Variants in LGR6 observed in about 807,000 individuals in gnomAD.
The protein encoded by LGR6 is leucine-rich repeat-containing G protein-coupled receptor 6.
Under a neutral mutation model 69.4 loss-of-function variants are expected in LGR6, and 45 were observed. The ratio of observed to expected loss-of-function variants is 0.65; its 90% CI spans 0.51 to 0.83. The LOEUF (loss-of-function observed/expected upper bound fraction) is 0.83. LGR6 is among the 40% of genes least tolerant of loss of function. LGR6 has a pLI of 0.00. For synonymous variants in LGR6, 538 were observed against 555.0 expected (o/e 0.97, Z 0.43); for missense variants, 1,108 against 1,246.7 (o/e 0.89, Z 1.68).
At chr1:202,238,009 A>G (rs961764528) in intron 4 of LGR6, among the ~76,000 whole-genome samples, 5 of 151,234 alleles carry the variant, frequency 3.3e-5, no homozygotes, top group African/African-American at 1.2e-4. Flanking sequence ...GACTTCACAC[A>G]GCTATAATGT....
chr1:202,200,330 C>T (rs1658796878), intron 1 of LGR6, among the ~76,000 whole-genome samples: 1 of 152,212 alleles, frequency 6.6e-6, no homozygotes, highest in African/African-American at 2.4e-5. Flanking sequence ...AGTTTCTCTG[C>T]TATAGCCCAA....
At chr1:202,296,503 C>T (rs141342418) in intron 6 of LGR6, among the ~76,000 whole-genome samples, 2 of 152,216 alleles carry the variant, frequency 1.3e-5, no homozygotes, top group African/African-American at 2.4e-5. Context: ...CAATGCTCAC[C>T]TCTTTCCCCG....
intron 1 of LGR6, among the ~76,000 whole-genome samples, chr1:202,209,394 G>T (rs138915916): frequency 6.6e-6 from 1 of 152,148 alleles, no homozygotes; most frequent in Non-Finnish European, 1.5e-5. Context: ...CAGCCTGCCC[G>T]CCCCACAGTG....
intron 1 of LGR6, among the ~76,000 whole-genome samples, chr1:202,206,939 A>G (rs1317083301): frequency 6.8e-6 from 1 of 147,032 alleles, no homozygotes. Flanking sequence ...ATTTATTGAG[A>G]CAGAGTCTCG....
chr1:202,266,200 T>C (rs1313634637), intron 4 of LGR6, among the ~76,000 whole-genome samples: 1 of 151,500 alleles, frequency 6.6e-6, no homozygotes, highest in Admixed American at 6.6e-5. Flanking sequence ...TGCCTGGAGG[T>C]GGGGGAGTGG....
chr1:202,249,559 G>A (rs1389117713), intron 4 of LGR6, among the ~76,000 whole-genome samples: 1 of 152,174 alleles, frequency 6.6e-6, no homozygotes, highest in Non-Finnish European at 1.5e-5. Flanking sequence ...CATGACTCAC[G>A]GGGCTTCAAA....
At chr1:202,279,865 G>T (rs569516581) in intron 5 of LGR6, among the ~76,000 whole-genome samples, 1 of 152,306 alleles carries the variant, frequency 6.6e-6, no homozygotes, top group East Asian at 1.9e-4. Flanking sequence ...TTCAAGTGAT[G>T]TAGTGTTGGT....
At chr1:202,270,984 C>T (rs915847033) in intron 4 of LGR6, among the ~76,000 whole-genome samples, 3 of 152,118 alleles carry the variant, frequency 2.0e-5, no homozygotes, top group Admixed American at 6.5e-5. Context: ...TAAGCAAGCC[C>T]GAACTGGCCT....
intron 4 of LGR6, among the ~76,000 whole-genome samples, chr1:202,254,561 A>C (rs960480879): frequency 6.6e-6 from 1 of 152,214 alleles, no homozygotes; most frequent in Admixed American, 6.5e-5. Context: ...TGTGTTGTAC[A>C]CTTCCCCATG....
Position 202,319,074 on chromosome 1 carries a change from A to G in LGR6, c.2771A>G (p.His924Arg), listed in dbSNP as rs747842631. 1 of 1,614,082 alleles carries G rather than the reference A, an allele frequency of 6.2e-7. No homozygotes were observed. Among genetic ancestry groups the G allele is most frequent in the Non-Finnish European group, 8.5e-7 (1 of 1,179,978 alleles). The stretch of plus-strand genomic sequence containing the variant: ...CATTGTGTAGAGCCAGAGGGGAACC[A>G]CTTTGGGAACCCCCAACCCTCCATG... ...GSHCVEPEGN[H>R]FGNPQPSMDG... Residue 924 changes from histidine to arginine, a missense_variant, in exon 18 of 18, where the codon CAC becomes CGC. His to Arg is a conservative substitution (Grantham distance 29). Coordinates refer to ENST00000367278, the MANE Select transcript of LGR6 (RefSeq NM_001017403.2).
In LGR6 at chr1:202,307,049, A is replaced by G; in HGVS notation, c.1208+110A>G. 3 of 937,292 alleles carry G rather than the reference A, an allele frequency of 3.2e-6. 1 individual carries two copies. In the South Asian group the frequency reaches 4.3e-5, roughly 13 times the overall value. 58.1% of individuals were successfully genotyped at this position (937,292 alleles called of 1,614,324 possible). The stretch of plus-strand genomic sequence containing the variant: ...CAATTTAAGCAAATGTGACATGCAC[A>G]TCGCCTCCCAGCTCCACAGCCCCCA... On this transcript the variant is annotated intron_variant, in intron 13 of 17. Coordinates refer to ENST00000367278, the MANE Select transcript of LGR6 (RefSeq NM_001017403.2).
intron 4 of LGR6, among the ~76,000 whole-genome samples, chr1:202,239,054 G>C (rs1038892917): frequency 6.6e-6 from 1 of 152,102 alleles, no homozygotes; most frequent in Non-Finnish European, 1.5e-5. Flanking sequence ...TATAAACAGG[G>C]GGCGTCTCGG....
rs778633041 is a variant in LGR6 at position 202,204,976 on chromosome 1, A to AAC, written c.212+10780_212+10781dup. ...CGCACCTCCAAACACACACACACCTAACACACCTCCTTCAAACACACACAC... is the reference window on the plus strand; with the variant it reads ...CGCACCTCCAAACACACACACACCTAACACACACCTCCTTCAAACACACACAC... On this transcript the variant is annotated intron_variant, in intron 1 of 17. Coordinates refer to ENST00000367278, the MANE Select transcript of LGR6 (RefSeq NM_001017403.2). Among the ~76,000 whole-genome samples the AAC allele has an allele frequency of 8.4e-3, 21 of 2,490 alleles. 2 individuals carry two copies. The highest frequency in any genetic ancestry group is 0.036 in the East Asian group (2 of 56). 1.6% of individuals were successfully genotyped at this position (2,490 alleles called of 152,430 possible). A position where few individuals can be genotyped will look rare whatever the true frequency, so the allele number is the denominator to read the frequency against.
At chr1:202,201,574 C>T (rs1658835684) in intron 1 of LGR6, among the ~76,000 whole-genome samples, 1 of 152,202 alleles carries the variant, frequency 6.6e-6, no homozygotes, top group South Asian at 2.1e-4. Context: ...CAGGCAGCCT[C>T]CCTCCTACCC....
At chr1:202,262,136 G>A (rs1453420521) in intron 4 of LGR6, among the ~76,000 whole-genome samples, 1 of 151,880 alleles carries the variant, frequency 6.6e-6, no homozygotes, top group Non-Finnish European at 1.5e-5. Context: ...TGCTTTTGGT[G>A]TTTTAGACAT....
At position 202,318,479 on chromosome 1, in the gene LGR6, C is replaced by A; in HGVS notation, c.2176C>A (p.Gln726Lys). Residue 726 changes from glutamine to lysine, a missense_variant, in exon 18 of 18, where the codon CAG becomes AAG. By Grantham distance (53) the Gln-to-Lys change is moderately conservative (BLOSUM62 1). Transcript: ENST00000367278. ...CCTGCCCTACGCGCCACCTGAGGGTCAGCCAGCAGCCCTGGGCTTCACCGT... is the reference window on the plus strand; with the variant it reads ...CCTGCCCTACGCGCCACCTGAGGGTAAGCCAGCAGCCCTGGGCTTCACCGT... ...LCLPYAPPEGQPAALGFTVAL... is the reference protein window; with the variant it reads ...LCLPYAPPEGKPAALGFTVAL... 6.2e-7 allele frequency: 1 copy of A among 1,613,760 alleles called. No homozygotes were observed. Among genetic ancestry groups the A allele is most frequent in the Non-Finnish European group, 8.5e-7 (1 of 1,179,950 alleles).
At chr1:202,221,323 C>A (rs1025605711) in intron 1 of LGR6, among the ~76,000 whole-genome samples, 2 of 152,186 alleles carry the variant, frequency 1.3e-5, no homozygotes, top group Non-Finnish European at 2.9e-5. Context: ...TCTTATCAAA[C>A]CTGTTCCCTG....
At chr1:202,267,144 G>A (rs1664734207) in intron 4 of LGR6, among the ~76,000 whole-genome samples, 2 of 152,212 alleles carry the variant, frequency 1.3e-5, no homozygotes, top group South Asian at 4.1e-4. Flanking sequence ...CCACAGGGCG[G>A]ATAATGAATA....
chr1:202,219,357 G>A (rs964050075), intron 1 of LGR6, among the ~76,000 whole-genome samples: 3 of 152,210 alleles, frequency 2.0e-5, no homozygotes, highest in African/African-American at 2.4e-5. Context: ...TGGGCAGCCC[G>A]TTAAGCCCTA....
Sources: gnomAD v4.1 joint callset for allele counts (sites outside exome capture counted in the v4.1 genomes callset) on GRCh38, gnomAD v4.1.1 for gene constraint, MANE v1.5 for transcripts, NCBI Gene and HGNC (gene_info 2026-07-23, HGNC 2026-07-21) for gene names.